Variants in NINL observed in about 807,000 individuals in gnomAD.
NINL encodes ninein-like protein.
A neutral mutation model predicts 160.3 loss-of-function variants in NINL; 153 were observed. That is an observed-to-expected ratio of 0.95 (90% CI 0.84 to 1.09). The LOEUF (loss-of-function observed/expected upper bound fraction) is 1.09. NINL is among the 50% of genes least tolerant of loss of function. The pLI is 0.00. For synonymous variants in NINL, 800 were observed against 734.8 expected (o/e 1.09, Z -1.43); for missense variants, 1,829 against 1,764.0 (o/e 1.04, Z -0.66).
intron 1 of NINL, among the ~76,000 whole-genome samples, chr20:25,562,727 C>G (rs2064958449): frequency 6.6e-6 from 1 of 150,768 alleles, no homozygotes; most frequent in South Asian, 2.1e-4. Flanking sequence ...TGTCCTATGA[C>G]CCTGCCAAAT....
chr20:25,548,749 C>G (rs1407544810), intron 1 of NINL, among the ~76,000 whole-genome samples: 1 of 148,918 alleles, frequency 6.7e-6, no homozygotes, highest in South Asian at 2.2e-4. Flanking sequence ...CCCGGCCTCA[C>G]CCAGGGCTGA....
At chr20:25,554,771 C>A (rs1833678656) in intron 1 of NINL, among the ~76,000 whole-genome samples, 2 of 152,074 alleles carry the variant, frequency 1.3e-5, no homozygotes, top group Non-Finnish European at 2.9e-5. Flanking sequence ...TGCACCTTTG[C>A]ACTCCAGCTT....
intron 21 of NINL, 33 bp from the exon 22 acceptor site, chr20:25,458,562 G>T (rs1299770577): frequency 6.5e-7 from 1 of 1,534,140 alleles, no homozygotes; most frequent in Non-Finnish European, 8.7e-7. Flanking sequence ...CTCTGGTGGG[G>T]CTGCTGAGAC....
At chr20:25,514,169 C>T (rs1011429791) in intron 3 of NINL, among the ~76,000 whole-genome samples, 2 of 152,184 alleles carry the variant, frequency 1.3e-5, no homozygotes, top group African/African-American at 4.8e-5. Context: ...GAAGTCCAGA[C>T]TGCAGTGGTC....
At chr20:25,478,124 G>C (rs2063306680) in intron 16 of NINL, among the ~76,000 whole-genome samples, 1 of 151,880 alleles carries the variant, frequency 6.6e-6, no homozygotes, top group Non-Finnish European at 1.5e-5. Context: ...AATTTTTTGT[G>C]TTTTTAGTAG....
chr20:25,538,815 G>A (rs905233754), intron 1 of NINL, among the ~76,000 whole-genome samples: 1 of 151,932 alleles, frequency 6.6e-6, no homozygotes, highest in African/African-American at 2.4e-5. Context: ...GGGTGGAGAA[G>A]CACAGAACTG....
chr20:25,478,963 C>T lies in NINL; in HGVS notation c.2161G>A (p.Gly721Ser), dbSNP rs1244283840. 1 of 1,587,540 alleles carries T rather than the reference C, an allele frequency of 6.3e-7. No individual in the cohort carries two copies. Among genetic ancestry groups the T allele is most frequent in the African/African-American group, 1.3e-5 (1 of 74,620 alleles). The change falls in exon 16 of 24, where the codon GGC becomes AGC. Residue 721 changes from glycine (G) to serine (S), a missense_variant. Physicochemically the swap from Gly to Ser is moderately conservative, Grantham distance 56. Coordinates refer to ENST00000278886, the MANE Select transcript of NINL (RefSeq NM_025176.6). ...TGGCTGTGATGCCGCAGGGCCAGGC[C>T]ACACAGTGCCTGGGTGCAGCAGGGT... ...LAPCCTQALC[G>S]LALRHHSHLQ...
At chr20:25,501,131 G>A in intron 7 of NINL, 121 bp from the exon 8 acceptor site, 1 of 1,298,358 alleles carries the variant, frequency 7.7e-7, no homozygotes, top group African/African-American at 1.5e-5. Context: ...CAGCTCATGA[G>A]ACCATCCTCA....
In NINL at chr20:25,498,265, T is replaced by A. The variant is rs1416886112; in HGVS notation, c.1114A>T (p.Ser372Cys). The A allele has an allele frequency of 6.2e-7, 1 of 1,613,234 alleles. No homozygotes were observed. Among genetic ancestry groups the A allele is most frequent in the African/African-American group, 1.3e-5 (1 of 74,910 alleles). ...GCCAGGGCTGCCTGCTGGACGGCAC[T>A]GTCCACTGTCATGAGCTCGTTGTCA... ...ALDNELMTVD[S>C]AVQQAALACY... is the part of the protein sequence containing the mutation. The change falls in exon 9 of 24, where the codon AGT becomes TGT. Residue 372 changes from serine (S) to cysteine (C), a missense_variant. Physicochemically the swap from Ser to Cys is moderately radical, Grantham distance 112 (BLOSUM62 -1). Transcript: ENST00000278886.
At chr20:25,579,370 A>G (rs755476860) in intron 1 of NINL, among the ~76,000 whole-genome samples, 5 of 152,226 alleles carry the variant, frequency 3.3e-5, no homozygotes, top group Non-Finnish European at 5.9e-5. Flanking sequence ...CACTGAGAAC[A>G]GTGCCTGGCA....
At chr20:25,500,689 G>A in intron 8 of NINL, 151 bp downstream of exon 8, 1 of 642,510 alleles carries the variant, frequency 1.6e-6, no homozygotes. Flanking sequence ...AAAGAGATAG[G>A]TTTCTACCTG....
At chr20:25,518,776 T>G (rs951877042) in intron 2 of NINL, among the ~76,000 whole-genome samples, 4 of 152,020 alleles carry the variant, frequency 2.6e-5, no homozygotes, top group Non-Finnish European at 5.9e-5. Flanking sequence ...GGATTTACTA[T>G]TTTAGGATTT....
In NINL at chr20:25,573,426, T is replaced by C. The variant is rs990552680; in HGVS notation, c.-12+12029A>G. Among the ~76,000 whole-genome samples the C allele has an allele frequency of 3.3e-5, 5 of 152,196 alleles. No individual in the cohort carries two copies. In the East Asian group the frequency reaches 7.7e-4, roughly 23 times the overall value. On this transcript the variant is annotated intron_variant, in intron 1 of 23. Transcript: ENST00000278886. ...CATATCTGAAATTCCAGCCATGCGA[T>C]TAGGAGCCTAGAGGCATAACACACA...
chr20:25,497,808 G>T (rs1416272110), intron 9 of NINL, among the ~76,000 whole-genome samples: 2 of 152,170 alleles, frequency 1.3e-5, no homozygotes, highest in South Asian at 2.1e-4. Flanking sequence ...CATGAGGGGG[G>T]ACCTCATGTC....
At chr20:25,477,941 GAGACGAGTCTCACTTTTTTTTTTTTTT>G (rs2063299738) in intron 16 of NINL, among the ~76,000 whole-genome samples, 2 of 114,044 alleles carry the variant, frequency 1.8e-5, no homozygotes, top group Non-Finnish European at 3.9e-5. Flanking sequence ...TTTTTTTTTT[GAGACGAGTCTCACTTTTTTTTTTTTTT>G]AGACGAGTCT....
chr20:25,516,192 T>C (rs375482260), intron 3 of NINL, among the ~76,000 whole-genome samples: 12 of 152,136 alleles, frequency 7.9e-5, no homozygotes, highest in East Asian at 3.8e-4. Flanking sequence ...TCCTGAGGCC[T>C]CCCCAGCCAT....
chr20:25,538,389 A>G (rs545023372), intron 1 of NINL, among the ~76,000 whole-genome samples: 2 of 152,230 alleles, frequency 1.3e-5, no homozygotes, highest in Admixed American at 1.3e-4. Context: ...AAAACACTAC[A>G]TGGTATATTT....
chr20:25,525,452 G>A (rs933311833), intron 2 of NINL, among the ~76,000 whole-genome samples: 5 of 152,146 alleles, frequency 3.3e-5, no homozygotes, highest in Non-Finnish European at 7.3e-5. Flanking sequence ...AGGCATTCGA[G>A]ACCAGCCTGG....
At chr20:25,537,540 C>T (rs1483117045) in intron 1 of NINL, among the ~76,000 whole-genome samples, 5 of 152,190 alleles carry the variant, frequency 3.3e-5, no homozygotes, top group Admixed American at 2.0e-4. Context: ...GCTAGTCATC[C>T]CCACACACAA....
Sources: allele counts gnomAD v4.1 joint callset (sites outside exome capture counted in the v4.1 genomes callset), GRCh38; gene constraint gnomAD v4.1.1; transcripts MANE v1.5; gene names NCBI Gene and HGNC (gene_info 2026-07-23, HGNC 2026-07-21).